Variants in GPR89A observed in about 807,000 individuals in gnomAD.
GPR89A encodes the protein G protein-coupled receptor 89A.
GPR89A carries 16 observed loss-of-function variants against 52.0 expected under a neutral mutation model. That is an observed-to-expected ratio of 0.31 (90% CI 0.21 to 0.47). The LOEUF is 0.47. Ranked by LOEUF, GPR89A falls within the 20% of genes least tolerant of loss-of-function variation. The probability of loss-of-function intolerance (pLI) is 1.00; values close to 1 mark genes in which losing one functional copy is unlikely to be tolerated. For synonymous variants in GPR89A, 55 were observed against 150.9 expected, an observed-to-expected ratio of 0.36 and a Z score of 4.66; for missense variants, 135 against 449.4, an observed-to-expected ratio of 0.30 and a Z score of 6.33.
At chr1:145,628,648 T>C (rs587719700) in intron 5 of GPR89A, among the ~76,000 whole-genome samples, 57 of 152,188 alleles carry the variant, frequency 3.7e-4, no homozygotes, top group African/African-American at 1.3e-3. Flanking sequence ...GTTAAATGAA[T>C]TAGAACATGT....
chr1:145,626,601 G>A (rs1293509182), intron 5 of GPR89A, among the ~76,000 whole-genome samples: 3 of 151,652 alleles, frequency 2.0e-5, no homozygotes, highest in Non-Finnish European at 4.4e-5. Flanking sequence ...TGCCTTCTTA[G>A]AGCTTTCCCA....
chr1:145,636,973 A>G (rs1277408762), intron 7 of GPR89A, among the ~76,000 whole-genome samples: 14 of 152,252 alleles, frequency 9.2e-5, no homozygotes, highest in African/African-American at 1.4e-4. Context: ...CAGAAGGACT[A>G]ATATCCAAAA....
intron 7 of GPR89A, among the ~76,000 whole-genome samples, chr1:145,634,936 C>A (rs587774111): frequency 6.6e-6 from 1 of 152,232 alleles, no homozygotes; most frequent in African/African-American, 2.4e-5. Context: ...ATAATCATTT[C>A]TTACCTTCAT....
At chr1:145,621,809 A>ATACAAATGG (rs1649158220) in intron 3 of GPR89A, among the ~76,000 whole-genome samples, 1 of 151,984 alleles carries the variant, frequency 6.6e-6, no homozygotes, top group African/African-American at 2.4e-5. Context: ...ATGGCCAGTA[A>ATACAAATGG]GCACATATGA....
At chr1:145,667,197 C>T (rs1321737262) in intron 12 of GPR89A, among the ~76,000 whole-genome samples, 2 of 152,146 alleles carry the variant, frequency 1.3e-5, no homozygotes, top group African/African-American at 4.8e-5. Flanking sequence ...TTTACAGTCC[C>T]ACCAACAGTG....
chr1:145,654,563 A>AAAAAC (rs1651688278), intron 10 of GPR89A, among the ~76,000 whole-genome samples: 1 of 147,342 alleles, frequency 6.8e-6, no homozygotes, highest in African/African-American at 2.5e-5. Context: ...CAAAAAAAAA[A>AAAAAC]AAAAAAAACA....
chr1:145,625,802 ATC>A (rs1216436210), intron 5 of GPR89A, among the ~76,000 whole-genome samples: 5 of 149,790 alleles, frequency 3.3e-5, no homozygotes, highest in Admixed American at 6.6e-5. Flanking sequence ...ATCTCAAGGT[ATC>A]TATATCATCT....
intron 1 of GPR89A, among the ~76,000 whole-genome samples, chr1:145,609,705 G>A (rs375998096): frequency 0.014 from 2,174 of 152,220 alleles, 43 homozygotes; most frequent in African/African-American, 0.05. Flanking sequence ...ACGTTGAACC[G>A]AGGAAGTGGC....
At chr1:145,642,662 T>C (rs1168699646) in intron 7 of GPR89A, among the ~76,000 whole-genome samples, 1 of 152,162 alleles carries the variant, frequency 6.6e-6, no homozygotes, top group Non-Finnish European at 1.5e-5. Context: ...TAAATACCAA[T>C]GCTGCTGCTT....
chr1:145,639,746 CAA>C (rs71584625), intron 7 of GPR89A, among the ~76,000 whole-genome samples: 8 of 131,216 alleles, frequency 6.1e-5, no homozygotes, highest in East Asian at 2.2e-4. Flanking sequence ...AACTCTGTCT[CAA>C]AAAAAAAAAA....
intron 1 of GPR89A, among the ~76,000 whole-genome samples, chr1:145,614,080 C>G (rs1308432144): frequency 6.6e-6 from 1 of 152,094 alleles, no homozygotes; most frequent in Non-Finnish European, 1.5e-5. Context: ...AGCCTCCCTA[C>G]TTGATTCTTA....
intron 8 of GPR89A, chr1:145,645,481 C>T: frequency 2.4e-6 from 1 of 414,840 alleles, no homozygotes; most frequent in Non-Finnish European, 4.7e-6. Flanking sequence ...TTTAACCTCC[C>T]TGAGCCCCTG....
intron 7 of GPR89A, among the ~76,000 whole-genome samples, chr1:145,642,845 T>G (rs587697829): frequency 6.6e-6 from 1 of 151,522 alleles, no homozygotes; most frequent in Non-Finnish European, 1.5e-5. Flanking sequence ...TTTATTTTGA[T>G]CCTCACTAGG....
intron 1 of GPR89A, chr1:145,611,702 TCC>T (rs1648293353): frequency 6.6e-6 from 1 of 150,612 alleles, no homozygotes; most frequent in Non-Finnish European, 1.5e-5. Flanking sequence ...TTTTTAATCA[TCC>T]ATTTCCACTA....
chr1:145,637,184 C>T (rs1451679885), intron 7 of GPR89A, among the ~76,000 whole-genome samples: 1 of 151,232 alleles, frequency 6.6e-6, no homozygotes, highest in African/African-American at 2.4e-5. Flanking sequence ...AGGTTGAACA[C>T]ACAGTTTGGA....
intron 3 of GPR89A, among the ~76,000 whole-genome samples, chr1:145,619,930 G>A (rs1266411005): frequency 4.7e-4 from 71 of 152,124 alleles, no homozygotes; most frequent in African/African-American, 1.7e-3. Context: ...CAGGAGAATG[G>A]CCTGAACCCA....
intron 7 of GPR89A, among the ~76,000 whole-genome samples, chr1:145,633,008 A>G (rs1553690150): frequency 2.0e-5 from 3 of 150,298 alleles, no homozygotes; most frequent in African/African-American, 5.0e-5. Flanking sequence ...TATGTTAAAC[A>G]TTGTTTGATA....
intron 12 of GPR89A, among the ~76,000 whole-genome samples, chr1:145,666,756 A>T (rs1218435694): frequency 7.7e-6 from 1 of 129,256 alleles, no homozygotes; most frequent in Non-Finnish European, 1.5e-5. Flanking sequence ...TCCTGTGTCC[A>T]AGTGTTCTCA....
At chr1:145,617,953 G>T (rs1648839753) in intron 2 of GPR89A, among the ~76,000 whole-genome samples, 1 of 151,126 alleles carries the variant, frequency 6.6e-6, no homozygotes, top group Non-Finnish European at 1.5e-5. Flanking sequence ...GAAGGTTCCA[G>T]AACTGATCCA....
Sources: gnomAD v4.1 joint callset for allele counts (sites outside exome capture counted in the v4.1 genomes callset) on GRCh38, gnomAD v4.1.1 for gene constraint, MANE v1.5 for transcripts, NCBI Gene and HGNC (gene_info 2026-07-23, HGNC 2026-07-21) for gene names.